Variants in KAZN observed in about 807,000 individuals in gnomAD.
KAZN encodes kazrin.
KAZN carries 40 observed loss-of-function variants against 87.4 expected under a neutral mutation model. The ratio of observed to expected loss-of-function variants is 0.46; its 90% confidence interval spans 0.36 to 0.60. The LOEUF is 0.60. Among genes scored for constraint, KAZN ranks in the 20% least tolerant of loss-of-function variants. The probability of loss-of-function intolerance (pLI) is 0.00; values close to 1 mark genes in which losing one functional copy is unlikely to be tolerated. For synonymous variants in KAZN, 466 were observed against 458.3 expected (o/e 1.02, Z -0.22); for missense variants, 898 against 1,073.9 (o/e 0.84, Z 2.29).
chr1:14,470,559 C>A (rs1668401008), intron 2 of KAZN, among the ~76,000 whole-genome samples: 1 of 152,158 alleles, frequency 6.6e-6, no homozygotes, highest in Non-Finnish European at 1.5e-5. Flanking sequence ...ATAGAAGAGC[C>A]ACATTAGCCA....
intron 1 of KAZN, among the ~76,000 whole-genome samples, chr1:13,919,302 C>A (rs12025627): frequency 0.035 from 5,349 of 152,296 alleles, 436 homozygotes; most frequent in East Asian, 0.33. Flanking sequence ...TGAATGGAAT[C>A]ATAGAATATG....
At chr1:15,053,818 G>A (rs901651005) in intron 4 of KAZN, among the ~76,000 whole-genome samples, 1 of 152,276 alleles carries the variant, frequency 6.6e-6, no homozygotes, top group African/African-American at 2.4e-5. Flanking sequence ...CTCGGCCAGA[G>A]CAGGGGCAAG....
At chr1:13,977,818 C>T (rs893852121) in intron 1 of KAZN, among the ~76,000 whole-genome samples, 3 of 152,160 alleles carry the variant, frequency 2.0e-5, no homozygotes, top group Admixed American at 2.0e-4. Flanking sequence ...TGTACAATTT[C>T]ACCTTGATGC....
chr1:14,099,692 C>T (rs1281389347), intron 1 of KAZN, among the ~76,000 whole-genome samples: 1 of 152,156 alleles, frequency 6.6e-6, no homozygotes, highest in Non-Finnish European at 1.5e-5. Flanking sequence ...AGATAAGGCA[C>T]CAAAGCTAAA....
chr1:14,509,900 G>A (rs1476157884), intron 2 of KAZN, among the ~76,000 whole-genome samples: 1 of 152,158 alleles, frequency 6.6e-6, no homozygotes, highest in Non-Finnish European at 1.5e-5. Flanking sequence ...AGAAGGAGAT[G>A]GAGCAAGCCA....
At chr1:13,931,940 C>T (rs867566359) in intron 1 of KAZN, among the ~76,000 whole-genome samples, 2 of 151,710 alleles carry the variant, frequency 1.3e-5, no homozygotes, top group Non-Finnish European at 1.5e-5. Flanking sequence ...ATGGTTCAAG[C>T]GATTCTCCTG....
intron 2 of KAZN, among the ~76,000 whole-genome samples, chr1:14,515,097 G>A (rs945253051): frequency 6.6e-6 from 1 of 152,048 alleles, no homozygotes; most frequent in Non-Finnish European, 1.5e-5. Flanking sequence ...ACAAAAATTA[G>A]AAGACAGATT....
intron 8 of KAZN, among the ~76,000 whole-genome samples, chr1:15,091,736 C>T (rs559513205): frequency 2.0e-5 from 3 of 152,166 alleles, no homozygotes; most frequent in Non-Finnish European, 4.4e-5. Context: ...ATGAATGGAG[C>T]GTCATTCCTT....
intron 1 of KAZN, among the ~76,000 whole-genome samples, chr1:14,108,802 C>A (rs2101665353): frequency 6.6e-6 from 1 of 152,314 alleles, no homozygotes; most frequent in Middle Eastern, 3.4e-3. Context: ...TGCATTCTGG[C>A]AAGCCGATTT....
intron 2 of KAZN, among the ~76,000 whole-genome samples, chr1:14,289,237 G>T (rs1473888979): frequency 6.6e-6 from 1 of 152,202 alleles, no homozygotes; most frequent in Non-Finnish European, 1.5e-5. Flanking sequence ...GGATATCCTT[G>T]TTAACCTTCT....
chr1:14,387,884 T>C (rs1262572299), intron 2 of KAZN, among the ~76,000 whole-genome samples: 2 of 152,226 alleles, frequency 1.3e-5, no homozygotes, highest in East Asian at 3.9e-4. Context: ...TAAGCAAGCC[T>C]GGGCAATGGC....
intron 2 of KAZN, among the ~76,000 whole-genome samples, chr1:14,963,213 A>G (rs915588755): frequency 6.6e-6 from 1 of 152,186 alleles, no homozygotes; most frequent in Non-Finnish European, 1.5e-5. Flanking sequence ...GAGTATTAAT[A>G]TAAGCAACAA....
At chr1:14,106,068 C>G (rs1013437288) in intron 1 of KAZN, among the ~76,000 whole-genome samples, 2 of 152,118 alleles carry the variant, frequency 1.3e-5, no homozygotes, top group African/African-American at 4.8e-5. Context: ...ACAACAATAA[C>G]AAAAATGATT....
chr1:14,135,441 C>T (rs1645087886), intron 1 of KAZN, among the ~76,000 whole-genome samples: 1 of 152,140 alleles, frequency 6.6e-6, no homozygotes, highest in Non-Finnish European at 1.5e-5. Context: ...TGAGGCTCTC[C>T]AGGGAATAAA....
At chr1:14,073,707 G>A (rs12132512) in intron 1 of KAZN, among the ~76,000 whole-genome samples, 74,225 of 151,910 alleles carry the variant, frequency 0.49, 18,784 homozygotes, top group East Asian at 0.65. Context: ...AGCTTCATCC[G>A]TGTCCCTGCA....
At chr1:14,436,509 G>A (rs1310605536) in intron 2 of KAZN, among the ~76,000 whole-genome samples, 1 of 151,850 alleles carries the variant, frequency 6.6e-6, no homozygotes, top group Non-Finnish European at 1.5e-5. Flanking sequence ...CCTGAGGTCA[G>A]GAGTTCGAGA....
At chr1:14,151,919 T>C (rs1645482838) in intron 1 of KAZN, among the ~76,000 whole-genome samples, 1 of 152,132 alleles carries the variant, frequency 6.6e-6, no homozygotes. Context: ...GGAAAAAAAA[T>C]GGAAGGATGA....
At chr1:14,734,008 C>T (rs1473640401) in intron 1 of KAZN, among the ~76,000 whole-genome samples, 3 of 152,184 alleles carry the variant, frequency 2.0e-5, no homozygotes, top group African/African-American at 7.2e-5. Context: ...TGCCCTTCAT[C>T]TGGATATCTA....
intron 2 of KAZN, among the ~76,000 whole-genome samples, chr1:14,221,191 C>T (rs1237749641): frequency 6.6e-6 from 1 of 152,254 alleles, no homozygotes; most frequent in Admixed American, 6.5e-5. Flanking sequence ...TCCTTAGTTA[C>T]CATCCCTTTG....
Sources: allele counts gnomAD v4.1 joint callset (sites outside exome capture counted in the v4.1 genomes callset), GRCh38; gene constraint gnomAD v4.1.1; transcripts MANE v1.5; gene names NCBI Gene and HGNC (gene_info 2026-07-23, HGNC 2026-07-21).